Variants in THADA observed in about 807,000 individuals in gnomAD.
The protein encoded by THADA is tRNA (32-2'-O)-methyltransferase regulator THADA.
In THADA, 213 loss-of-function variants were observed where a neutral mutation model predicts 219.8. The observed-to-expected ratio is 0.97, with a 90% CI of 0.87 to 1.09. The LOEUF is 1.09. THADA is among the 50% of genes least tolerant of loss of function. The pLI is 0.00. For missense variants in THADA, 2,956 were observed against 2,311.3 expected (o/e 1.28, Z -5.72); for synonymous variants, 1,018 against 828.9 (o/e 1.23, Z -3.92).
intron 22 of THADA, among the ~76,000 whole-genome samples, chr2:43,513,142 T>C (rs879638485): frequency 1.3e-5 from 2 of 152,312 alleles, no homozygotes; most frequent in South Asian, 2.1e-4. Context: ...TTTGGAAGGA[T>C]TGAGTTTGTT....
intron 17 of THADA, among the ~76,000 whole-genome samples, chr2:43,555,254 T>A (rs201085565): frequency 1.3e-5 from 2 of 151,496 alleles, no homozygotes; most frequent in East Asian, 3.9e-4. Flanking sequence ...AAAAAGAAGA[T>A]AAAAATTAAT....
rs1345657717 is a variant in THADA at position 43,401,692 on chromosome 2, C to CA, written c.4059-3554dup. 3.9e-5 allele frequency among the ~76,000 whole-genome samples: 6 copies of CA among 152,078 alleles called. No individual in the cohort carries two copies. In the East Asian group the frequency reaches 1.2e-3, roughly 29 times the overall value. On this transcript the variant is annotated intron_variant, in intron 28 of 37. Transcript: ENST00000405975. ...CTTTACTATGCAACATTCCTGTAGA[C>CA]AAAAGGGCATTATAAACCTAAATTA... is the stretch of plus-strand genomic sequence containing the variant.
At position 43,535,879 on chromosome 2, in the gene THADA, G is replaced by T. The variant is rs188438188; in HGVS notation, c.3264+5280C>A. ...CTCTGTCACCAGGCTGGAGTGCAGT[G>T]GTGCGATCTCTGCCTCCTGGGTTCA... On this transcript the variant is annotated intron_variant, in intron 21 of 37. Transcript: ENST00000405975. Among the ~76,000 whole-genome samples, 482 of 151,944 alleles carry T rather than the reference G, an allele frequency of 3.2e-3. 2 individuals are homozygous for T. Among genetic ancestry groups the T allele is most frequent in the African/African-American group, 0.011 (460 of 41,458 alleles).
At chr2:43,520,713 TACACACAC>T (rs145550774) in intron 22 of THADA, among the ~76,000 whole-genome samples, 11 of 125,128 alleles carry the variant, frequency 8.8e-5, no homozygotes, top group Admixed American at 1.6e-4. Context: ...TATATATATA[TACACACAC>T]ACACACACAC....
chr2:43,391,091 G>T (rs999645066), intron 29 of THADA, among the ~76,000 whole-genome samples: 1 of 152,082 alleles, frequency 6.6e-6, no homozygotes. Context: ...CCAGTAGGAT[G>T]GGAATAACAC....
chr2:43,305,851 CAT>C (rs771491549), intron 31 of THADA, among the ~76,000 whole-genome samples: 6 of 152,144 alleles, frequency 3.9e-5, no homozygotes, highest in Non-Finnish European at 7.4e-5. Context: ...AAGACACAAA[CAT>C]AGTTATTTCT....
intron 22 of THADA, among the ~76,000 whole-genome samples, chr2:43,511,158 T>C (rs1210284698): frequency 6.6e-6 from 1 of 152,108 alleles, no homozygotes; most frequent in Non-Finnish European, 1.5e-5. Context: ...AACCAGCTTA[T>C]AGATAATGCT....
intron 17 of THADA, among the ~76,000 whole-genome samples, chr2:43,553,504 G>C (rs1490328906): frequency 2.0e-5 from 3 of 152,114 alleles, no homozygotes; most frequent in Non-Finnish European, 2.9e-5. Flanking sequence ...GTCAAAAAGA[G>C]GCCCCTTATC....
At chr2:43,566,601 G>C (rs752887623) in intron 15 of THADA, 97 bp downstream of exon 15, 1 of 1,305,470 alleles carries the variant, frequency 7.7e-7, no homozygotes, top group South Asian at 1.2e-5. Context: ...CTCAAAGAAA[G>C]GCAACAAAAC....
At chr2:43,264,410 C>T (rs1399228161) in intron 36 of THADA, among the ~76,000 whole-genome samples, 1 of 151,854 alleles carries the variant, frequency 6.6e-6, no homozygotes, top group Non-Finnish European at 1.5e-5. Flanking sequence ...CTCAGCCTCC[C>T]GAGTAGCTGG....
At chr2:43,336,405 G>A (rs572396004) in intron 30 of THADA, among the ~76,000 whole-genome samples, 1 of 152,144 alleles carries the variant, frequency 6.6e-6, no homozygotes, top group African/African-American at 2.4e-5. Context: ...CCGAGTAGCT[G>A]GGACTACAGG....
At chr2:43,586,369 T>G in intron 7 of THADA, 32 bp downstream of exon 7, 1 of 1,538,770 alleles carries the variant, frequency 6.5e-7, no homozygotes, top group Non-Finnish European at 8.8e-7. Context: ...ACTGCAAGTG[T>G]GCACACACAA....
intron 30 of THADA, among the ~76,000 whole-genome samples, chr2:43,322,513 T>C (rs1273303058): frequency 6.7e-6 from 1 of 149,992 alleles, no homozygotes; most frequent in Non-Finnish European, 1.5e-5. Flanking sequence ...CAAAAATAAA[T>C]AAATAAATAG....
intron 23 of THADA, 128 bp downstream of exon 23, chr2:43,508,520 G>T: frequency 1.1e-6 from 1 of 894,472 alleles, no homozygotes; most frequent in Non-Finnish European, 1.6e-6. Flanking sequence ...AGCCACAAAT[G>T]CTATGGTGCT....
rs555312742 is a variant in THADA, at chr2:43,533,316, T to C, written c.3265-5328A>G. 7.2e-5 allele frequency among the ~76,000 whole-genome samples: 11 copies of C among 152,346 alleles called. No homozygotes were observed. The South Asian group carries it at 2.3e-3, about 32-fold the overall frequency. ...GGAGTGTAAATTAGTTCAACAGTTGTGGAAGACAGTGTGGCGATTCCTCAA... is the reference window on the plus strand; with the variant it reads ...GGAGTGTAAATTAGTTCAACAGTTGCGGAAGACAGTGTGGCGATTCCTCAA... On this transcript the variant is annotated intron_variant, in intron 21 of 37. Transcript: ENST00000405975.
intron 24 of THADA, among the ~76,000 whole-genome samples, chr2:43,505,228 T>C (rs965676479): frequency 2.0e-5 from 3 of 152,166 alleles, no homozygotes; most frequent in Non-Finnish European, 4.4e-5. Context: ...AAATATCTTA[T>C]ATAAGCTGGA....
chr2:43,393,621 T>C (rs1043649320), intron 29 of THADA, among the ~76,000 whole-genome samples: 3 of 151,394 alleles, frequency 2.0e-5, no homozygotes, highest in Admixed American at 6.6e-5. Context: ...GGCAGGAGAA[T>C]TGCTTAAACC....
intron 26 of THADA, among the ~76,000 whole-genome samples, chr2:43,436,672 T>C (rs1354392861): frequency 1.3e-5 from 2 of 152,146 alleles, no homozygotes; most frequent in East Asian, 1.9e-4. Context: ...ACTTAAGCAA[T>C]CCTTCCAAAA....
At chr2:43,288,907 A>G (rs1373757705) in intron 34 of THADA, among the ~76,000 whole-genome samples, 6 of 152,206 alleles carry the variant, frequency 3.9e-5, no homozygotes, top group African/African-American at 1.4e-4. Flanking sequence ...GAACATTTTC[A>G]TCATCACAAA....
Sources: allele counts gnomAD v4.1 joint callset (sites outside exome capture counted in the v4.1 genomes callset), GRCh38; gene constraint gnomAD v4.1.1; transcripts MANE v1.5; gene names NCBI Gene and HGNC (gene_info 2026-07-23, HGNC 2026-07-21).